The following SLC4A4 variants were observed in gnomAD, a reference collection of about 807,000 sequenced individuals.
SLC4A4 encodes solute carrier family 4 member 4.
In SLC4A4, 27 loss-of-function variants were observed where a neutral mutation model predicts 111.5. The ratio of observed to expected loss-of-function variants is 0.24; its 90% CI spans 0.18 to 0.33. The LOEUF (loss-of-function observed/expected upper bound fraction) is 0.33, where lower values mean the gene tolerates loss of function less well. Ranked by LOEUF, SLC4A4 falls within the 10% of genes least tolerant of loss-of-function variation. The probability of loss-of-function intolerance (pLI) is 1.00; values close to 1 mark genes in which losing one functional copy is unlikely to be tolerated. For synonymous variants in SLC4A4, 443 were observed against 463.4 expected, an observed-to-expected ratio of 0.96 and a Z score of 0.57; for missense variants, 909 against 1,315.5, an observed-to-expected ratio of 0.69 and a Z score of 4.78.
chr4:71,123,141 A>G (rs187165048), intron 2 of SLC4A4, among the ~76,000 whole-genome samples: 137 of 152,316 alleles, frequency 9.0e-4, no homozygotes, highest in Middle Eastern at 3.4e-3. Context: ...AGGAGAGAAG[A>G]TACGAGACTT....
intron 1 of SLC4A4, chr4:71,233,205 G>A: frequency 1.1e-6 from 1 of 928,188 alleles, no homozygotes; most frequent in Non-Finnish European, 1.3e-6. Flanking sequence ...CTTGGCTTGT[G>A]CCTGCAACAT....
At chr4:71,255,118 T>C in intron 2 of SLC4A4, 102 bp from the exon 3 acceptor site, 1 of 1,139,720 alleles carries the variant, frequency 8.8e-7, no homozygotes, top group Non-Finnish European at 1.3e-6. Context: ...AATGGTAACG[T>C]TGAATTTATA....
At chr4:71,088,503 T>C (rs1387521145) in intron 1 of SLC4A4, among the ~76,000 whole-genome samples, 1 of 152,108 alleles carries the variant, frequency 6.6e-6, no homozygotes, top group Non-Finnish European at 1.5e-5. Flanking sequence ...CTAGCCTTAA[T>C]GGTCTTTACA....
At chr4:71,494,075 G>A (rs950641281) in intron 15 of SLC4A4, among the ~76,000 whole-genome samples, 6 of 151,778 alleles carry the variant, frequency 4.0e-5, no homozygotes, top group Non-Finnish European at 8.8e-5. Flanking sequence ...CAACTGCAAT[G>A]ATCAGCTCTT....
At position 71,357,024 on chromosome 4, in the gene SLC4A4, T is replaced by C; in HGVS notation, c.567T>C (p.His189=). The C allele has an allele frequency of 6.2e-7, 1 of 1,614,008 alleles. No homozygotes were observed. Among genetic ancestry groups the C allele is most frequent in the South Asian group, 1.1e-5 (1 of 91,054 alleles). The part of the protein sequence containing the change: ...LPQLVEMIVD[H]QIETGLLKPE... Reference sequence around the variant, plus strand: ...TTGTACCAGAGATGATTGTTGACCATCAGATTGAGACAGGCCTATTGAAAC... The same window carrying C: ...TTGTACCAGAGATGATTGTTGACCACCAGATTGAGACAGGCCTATTGAAAC... Residue 189 remains histidine (H), a synonymous_variant, in exon 6 of 26, where the codon CAT becomes CAC. Transcript: ENST00000264485.
intron 7 of SLC4A4, among the ~76,000 whole-genome samples, chr4:71,400,946 C>T (rs1258144604): frequency 6.6e-6 from 1 of 152,102 alleles, no homozygotes; most frequent in Non-Finnish European, 1.5e-5. Flanking sequence ...GTGATCTTGG[C>T]AGTAAACTCA....
At chr4:71,307,120 G>A (rs1173920877) in intron 3 of SLC4A4, among the ~76,000 whole-genome samples, 1 of 152,104 alleles carries the variant, frequency 6.6e-6, no homozygotes, top group Non-Finnish European at 1.5e-5. Context: ...TAAATGGGTG[G>A]CAATTACTTA....
Position 71,447,652 on chromosome 4 carries a change from G to T in SLC4A4, c.972G>T (p.Leu324Phe). The T allele has an allele frequency of 6.2e-7, 1 of 1,606,832 alleles. No individual in the cohort carries two copies. Among genetic ancestry groups the T allele is most frequent in the Non-Finnish European group, 8.5e-7 (1 of 1,173,706 alleles). ...TTCTTTCCTTTTCCATTAGGTTCTT[G>T]TTCATTCTCTTAGGTCCTAAGGGGA... ...LTEVPVPTRF[L>F]FILLGPKGKA... The change falls in exon 9 of 26, where the codon TTG becomes TTT. Residue 324 changes from leucine (L) to phenylalanine (F), a missense_variant. Around this residue, in one of 7 missense-constraint regions of SLC4A4, gnomAD observed 312 missense variants for 402.0 expected, o/e 0.78. Coordinates refer to ENST00000264485, the MANE Select transcript of SLC4A4 (RefSeq NM_001098484.3).
At chr4:71,506,464 G>A (rs1371609715) in intron 16 of SLC4A4, among the ~76,000 whole-genome samples, 1 of 152,064 alleles carries the variant, frequency 6.6e-6, no homozygotes, top group African/African-American at 2.4e-5. Flanking sequence ...GTGAATGGGA[G>A]TTCATCTGTG....
intron 1 of SLC4A4, among the ~76,000 whole-genome samples, chr4:71,067,383 G>A (rs113882389): frequency 6.6e-6 from 1 of 152,208 alleles, no homozygotes; most frequent in African/African-American, 2.4e-5. Context: ...GCAAGACTTA[G>A]AACCAATTGC....
chr4:71,144,528 T>G (rs28835010), intron 2 of SLC4A4, among the ~76,000 whole-genome samples: 11,523 of 151,902 alleles, frequency 0.076, 827 homozygotes, highest in African/African-American at 0.19. Context: ...ATCTATAAAT[T>G]ACCTTGGGCA....
At chr4:71,540,727 TA>T (rs11307674) in intron 18 of SLC4A4, among the ~76,000 whole-genome samples, 31,452 of 152,060 alleles carry the variant, frequency 0.21, 5,707 homozygotes, top group East Asian at 0.47. Flanking sequence ...GCATGAACAT[TA>T]AATTATTTGT....
Position 71,423,098 on chromosome 4 carries a change from C to T in SLC4A4, c.808-17518C>T, listed in dbSNP as rs546400142. ...GTATATCTAGAAAACCCCATTGTCT[C>T]AGCCCAAAATCTCCTTAAGCTGATA... is the stretch of plus-strand genomic sequence containing the variant. On this transcript the variant is annotated intron_variant, in intron 7 of 25. Coordinates refer to ENST00000264485, the MANE Select transcript of SLC4A4 (RefSeq NM_001098484.3). Among the ~76,000 whole-genome samples the T allele has an allele frequency of 3.9e-4, 59 of 152,274 alleles. No homozygotes were observed. The East Asian group carries it at 0.011, about 27-fold the overall frequency.
chr4:71,133,807 C>T (rs1025250855), intron 2 of SLC4A4, among the ~76,000 whole-genome samples: 3 of 152,192 alleles, frequency 2.0e-5, no homozygotes, highest in Non-Finnish European at 2.9e-5. Context: ...TTGGCACCCC[C>T]GTTGCTCAAA....
In SLC4A4 at chr4:71,472,682, T is replaced by A; in HGVS notation, c.1632-17T>A. ...CCAAGGAGGAGGAATCTAAACATTT[T>A]TCTTTCTTTTTTCCAGGGACAATAA... is the stretch of plus-strand genomic sequence containing the variant. On this transcript the variant is annotated splice_polypyrimidine_tract_variant and intron_variant, in intron 13 of 25. Transcript: ENST00000264485. The A allele has an allele frequency of 6.2e-7, 1 of 1,611,934 alleles. No homozygotes were observed. Among genetic ancestry groups the A allele is most frequent in the South Asian group, 1.1e-5 (1 of 91,010 alleles).
intron 3 of SLC4A4, among the ~76,000 whole-genome samples, chr4:71,292,315 T>C (rs1186326974): frequency 6.6e-6 from 1 of 152,200 alleles, no homozygotes; most frequent in Non-Finnish European, 1.5e-5. Context: ...TTTTGGCCTT[T>C]AGCTCAGTTT....
At chr4:71,464,117 A>G (rs1315918780) in intron 12 of SLC4A4, among the ~76,000 whole-genome samples, 1 of 152,132 alleles carries the variant, frequency 6.6e-6, no homozygotes, top group Non-Finnish European at 1.5e-5. Flanking sequence ...GTAAGTTGTA[A>G]AAAAGAAAGA....
intron 6 of SLC4A4, among the ~76,000 whole-genome samples, chr4:71,366,735 A>G (rs149620800): frequency 6.6e-6 from 1 of 152,350 alleles, no homozygotes; most frequent in East Asian, 1.9e-4. Context: ...ATAATTACAG[A>G]AAGTTCTGCT....
At chr4:71,147,004 CAG>C (rs1744191781) in intron 2 of SLC4A4, among the ~76,000 whole-genome samples, 1 of 152,126 alleles carries the variant, frequency 6.6e-6, no homozygotes, top group Admixed American at 6.6e-5. Flanking sequence ...ATCTCACATG[CAG>C]AGACACACAT....
Sources: gnomAD v4.1 joint callset for allele counts (sites outside exome capture counted in the v4.1 genomes callset) on GRCh38, gnomAD v4.1.1 for gene constraint, gnomAD v4.1.1 regional missense constraint, MANE v1.5 for transcripts, NCBI Gene and HGNC (gene_info 2026-07-23, HGNC 2026-07-21) for gene names.